TRIO: variants seen among roughly 807,000 people sequenced by gnomAD.
TRIO encodes the protein trio Rho guanine nucleotide exchange factor.
TRIO carries 58 observed loss-of-function variants against 351.9 expected under a neutral mutation model. That is an observed-to-expected ratio of 0.16 (90% CI 0.13 to 0.21). TRIO has a LOEUF of 0.21. Among genes scored for constraint, TRIO ranks in the 10% least tolerant of loss-of-function variants. TRIO has a pLI of 1.00. For missense variants in TRIO, 3,201 were observed against 4,027.8 expected (o/e 0.79, Z 5.56); for synonymous variants, 1,758 against 1,595.7 (o/e 1.10, Z -2.42).
In TRIO at chr5:14,205,199, T is replaced by C. The variant is rs6880950; in HGVS notation, c.157+61317T>C. 7.4e-3 allele frequency among the ~76,000 whole-genome samples: 1,128 copies of C among 152,370 alleles called. 20 individuals carry two copies. The highest frequency in any genetic ancestry group is 0.026 in the African/African-American group (1,074 of 41,592). On this transcript the variant is annotated intron_variant, in intron 1 of 56. Coordinates refer to ENST00000344204, the MANE Select transcript of TRIO (RefSeq NM_007118.4). ...GCAGCTGCAGGAAGTGTCTGCTTTC[T>C]GGCCTCAGCGCCAGGGAGGTGGAGT...
chr5:14,461,928 T>A (rs112073460), intron 35 of TRIO, among the ~76,000 whole-genome samples: 28 of 152,322 alleles, frequency 1.8e-4, no homozygotes, highest in African/African-American at 6.5e-4. Flanking sequence ...AGCCAGAGAT[T>A]TTTTATGTCC....
intron 1 of TRIO, among the ~76,000 whole-genome samples, chr5:14,169,558 TCTTTA>T (rs765553313): frequency 2.0e-5 from 3 of 152,380 alleles, no homozygotes; most frequent in Non-Finnish European, 2.9e-5. Context: ...TCTTTGGTGT[TCTTTA>T]CTTTATTCAC....
In TRIO at chr5:14,488,136, CG is replaced by C; in HGVS notation, c.7513del (p.Asp2505ThrfsTer22). On this transcript the variant is annotated frameshift_variant, in exon 48 of 57. Coordinates refer to ENST00000344204, the MANE Select transcript of TRIO (RefSeq NM_007118.4). LOFTEE classifies it high-confidence loss of function. ...AGCCGACCCGGCTCCTTCACCTTCCCGGGGGACAGCGACTCCCTCCAGCGGC... is the reference window on the plus strand; with the variant it reads ...AGCCGACCCGGCTCCTTCACCTTCCCGGGGACAGCGACTCCCTCCAGCGGC... ...PASRPGSFTF[P>X]GDSDSLQRQT... 3 of 1,608,174 alleles carry C rather than the reference CG, an allele frequency of 1.9e-6. No individual in the cohort carries two copies. The highest frequency in any genetic ancestry group is 1.7e-6 in the Non-Finnish European group (2 of 1,179,506).
chr5:14,168,456 C>T (rs1462830517), intron 1 of TRIO, among the ~76,000 whole-genome samples: 1 of 152,222 alleles, frequency 6.6e-6, no homozygotes, highest in Non-Finnish European at 1.5e-5. Flanking sequence ...TATTGGCCAA[C>T]AGAATGAGAC....
intron 34 of TRIO, among the ~76,000 whole-genome samples, chr5:14,437,776 G>A (rs913308370): frequency 4.0e-5 from 6 of 151,142 alleles, no homozygotes; most frequent in African/African-American, 1.5e-4. Context: ...TCCAGGGCTT[G>A]GGACATCAGC....
intron 13 of TRIO, among the ~76,000 whole-genome samples, chr5:14,361,073 C>T (rs1216100955): frequency 6.6e-6 from 1 of 152,084 alleles, no homozygotes; most frequent in African/African-American, 2.4e-5. Flanking sequence ...TCAAAGGACT[C>T]GCTTTTGTAA....
intron 13 of TRIO, among the ~76,000 whole-genome samples, chr5:14,360,914 A>G (rs1333874338): frequency 6.6e-6 from 1 of 152,222 alleles, no homozygotes; most frequent in Non-Finnish European, 1.5e-5. Context: ...AGATGCTCTC[A>G]AAGTCTTGAC....
intron 2 of TRIO, among the ~76,000 whole-genome samples, 168 bp downstream of exon 2, chr5:14,271,067 G>T (rs1007689091): frequency 6.6e-6 from 1 of 152,220 alleles, no homozygotes; most frequent in Non-Finnish European, 1.5e-5. Flanking sequence ...AGTGCCCAAA[G>T]CATTTTCTTC....
intron 2 of TRIO, among the ~76,000 whole-genome samples, chr5:14,274,154 C>T (rs1735287117): frequency 6.6e-6 from 1 of 152,128 alleles, no homozygotes; most frequent in African/African-American, 2.4e-5. Context: ...AATTTTTATG[C>T]TTGTCTCATA....
At chr5:14,406,495 C>A in intron 32 of TRIO, 78 bp from the exon 33 acceptor site, 2 of 1,390,108 alleles carry the variant, frequency 1.4e-6, no homozygotes, top group Non-Finnish European at 2.0e-6. Flanking sequence ...ATATGCACCT[C>A]ATTAAACAAA....
At chr5:14,481,153 C>T (rs1755481387) in intron 43 of TRIO, 81 bp from the exon 44 acceptor site, 2 of 1,465,890 alleles carry the variant, frequency 1.4e-6, no homozygotes, top group Non-Finnish European at 9.3e-7. Context: ...TAGTGAGACC[C>T]TGTCTCTTAA....
At chr5:14,191,190 T>G (rs1790436547) in intron 1 of TRIO, among the ~76,000 whole-genome samples, 1 of 152,178 alleles carries the variant, frequency 6.6e-6, no homozygotes, top group African/African-American at 2.4e-5. Context: ...GTTCTGATGT[T>G]TTGTCTCAAA....
intron 34 of TRIO, among the ~76,000 whole-genome samples, chr5:14,428,251 T>C (rs1750812597): frequency 6.6e-6 from 1 of 152,196 alleles, no homozygotes; most frequent in African/African-American, 2.4e-5. Context: ...TTCAGGTATA[T>C]TTAGACATTT....
At chr5:14,238,512 C>T (rs773340181) in intron 1 of TRIO, among the ~76,000 whole-genome samples, 1 of 152,180 alleles carries the variant, frequency 6.6e-6, no homozygotes, top group South Asian at 2.1e-4. Flanking sequence ...CCGTGCACCA[C>T]CTGTCATGGA....
At chr5:14,307,618 G>A (rs886472050) in intron 8 of TRIO, among the ~76,000 whole-genome samples, 3 of 152,176 alleles carry the variant, frequency 2.0e-5, no homozygotes, top group Non-Finnish European at 4.4e-5. Flanking sequence ...TGGCCACTTG[G>A]TCAGATTGGT....
At chr5:14,446,231 A>G (rs983195640) in intron 34 of TRIO, among the ~76,000 whole-genome samples, 2 of 152,122 alleles carry the variant, frequency 1.3e-5, no homozygotes, top group Non-Finnish European at 2.9e-5. Flanking sequence ...AGACTTAACA[A>G]CAGGAAGGTG....
In TRIO at chr5:14,475,219, TC is replaced by T. The variant is rs138593559; in HGVS notation, c.6083+1124del. ...GGCCACTGGTCTTCCAGTGGAATGT[TC>T]CAGATGCACTGTCTGCTCCGGTTAC... On this transcript the variant is annotated intron_variant, in intron 40 of 56. Coordinates refer to ENST00000344204, the MANE Select transcript of TRIO (RefSeq NM_007118.4). Among the ~76,000 whole-genome samples the T allele has an allele frequency of 5.4e-3, 825 of 152,286 alleles. 7 individuals are homozygous for T. The highest frequency in any genetic ancestry group is 0.019 in the African/African-American group (773 of 41,546).
At chr5:14,446,368 C>T (rs1752440603) in intron 34 of TRIO, among the ~76,000 whole-genome samples, 1 of 152,188 alleles carries the variant, frequency 6.6e-6, no homozygotes, top group Non-Finnish European at 1.5e-5. Flanking sequence ...TTCTTTTTGT[C>T]TTTGGCCTTT....
intron 1 of TRIO, among the ~76,000 whole-genome samples, chr5:14,214,725 T>C (rs1004812507): frequency 2.0e-5 from 3 of 152,252 alleles, no homozygotes; most frequent in African/African-American, 7.2e-5. Flanking sequence ...CCGAGTGTTA[T>C]ATTTCACTTT....
Sources: gnomAD v4.1 joint callset for allele counts (sites outside exome capture counted in the v4.1 genomes callset) on GRCh38, gnomAD v4.1.1 for gene constraint, MANE v1.5 for transcripts, NCBI Gene and HGNC (gene_info 2026-07-23, HGNC 2026-07-21) for gene names.